Variants in KIAA1217 observed in about 807,000 individuals in gnomAD.
The protein encoded by KIAA1217 is KIAA1217.
Under a neutral mutation model 163.9 loss-of-function variants are expected in KIAA1217, and 88 were observed. That is an observed-to-expected ratio of 0.54 (90% CI 0.45 to 0.64). KIAA1217 has a LOEUF of 0.64. Among genes scored for constraint, KIAA1217 ranks in the 30% least tolerant of loss-of-function variants. The pLI is 0.00. For missense variants in KIAA1217, 2,372 were observed against 2,475.0 expected, an observed-to-expected ratio of 0.96 and a Z score of 0.88; for synonymous variants, 903 against 923.1, an observed-to-expected ratio of 0.98 and a Z score of 0.39.
At chr10:24,059,233 G>T (rs2060631147) in intron 2 of KIAA1217, among the ~76,000 whole-genome samples, 1 of 152,016 alleles carries the variant, frequency 6.6e-6, no homozygotes, top group South Asian at 2.1e-4. Flanking sequence ...AATTTCACTT[G>T]GTCATGGTGT....
In KIAA1217 at chr10:24,112,005, T is replaced by TGCCC. The variant is rs1218391430; in HGVS notation, c.-171+104633_-171+104636dup. 4.6e-5 allele frequency among the ~76,000 whole-genome samples: 7 copies of TGCCC among 152,148 alleles called. No homozygotes were observed. The East Asian group carries it at 1.3e-3, about 29-fold the overall frequency. ...TTGTAGAGACAGGGTCTCACTATGT[T>TGCCC]GCCCGGGCTGGTTTTAGACTCCTGG... On this transcript the variant is annotated intron_variant, in intron 2 of 18. Transcript: ENST00000376462.
chr10:24,543,964 A>G lies in KIAA1217; in HGVS notation c.4694A>G (p.Gln1565Arg). Residue 1565 changes from glutamine to arginine, a missense_variant, in exon 19 of 21, where the codon CAG becomes CGG. By Grantham distance (43) the Gln-to-Arg change is conservative (BLOSUM62 1). Transcript: ENST00000376454. Reference sequence around the variant, plus strand: ...AAGGGTGAGGACGCGACCGATGACCAGTTTGAAAGCCCCAAGAAAAAGTTT... The same window carrying G: ...AAGGGTGAGGACGCGACCGATGACCGGTTTGAAAGCCCCAAGAAAAAGTTT... ...ECKGEDATDD[Q>R]FESPKKKFKF... 1 of 1,614,156 alleles carries G rather than the reference A, an allele frequency of 6.2e-7. No individual in the cohort carries two copies. The highest frequency in any genetic ancestry group is 1.1e-5 in the South Asian group (1 of 91,078).
chr10:23,818,351 A>AAAAATATAT (rs374977941), intron 1 of KIAA1217, among the ~76,000 whole-genome samples: 10 of 134,894 alleles, frequency 7.4e-5, no homozygotes, highest in African/African-American at 2.5e-4. Flanking sequence ...TATATAAAAA[A>AAAAATATAT]ATATATATAT....
chr10:23,854,752 C>A (rs1839557984), intron 1 of KIAA1217, among the ~76,000 whole-genome samples: 1 of 152,050 alleles, frequency 6.6e-6, no homozygotes, highest in Admixed American at 6.6e-5. Flanking sequence ...TGAATTGGTC[C>A]CTTTACCATT....
chr10:24,403,189 A>G (rs1344598378), intron 3 of KIAA1217, among the ~76,000 whole-genome samples: 1 of 152,194 alleles, frequency 6.6e-6, no homozygotes, highest in Non-Finnish European at 1.5e-5. Flanking sequence ...CATGTTCCAT[A>G]AAAGGAAAAG....
chr10:24,238,144 C>T (rs1367043441), intron 2 of KIAA1217, among the ~76,000 whole-genome samples: 2 of 152,218 alleles, frequency 1.3e-5, no homozygotes, highest in East Asian at 3.9e-4. Flanking sequence ...ACTGCTCCTT[C>T]AGCTACTGCT....
At chr10:23,713,388 T>A (rs7098138) in intron 1 of KIAA1217, among the ~76,000 whole-genome samples, 50,897 of 151,998 alleles carry the variant, frequency 0.33, 10,971 homozygotes, top group African/African-American at 0.61. Context: ...TTTTGTTTTT[T>A]TACTTCCAAT....
chr10:24,308,025 A>C (rs970086977), intron 2 of KIAA1217, among the ~76,000 whole-genome samples: 8 of 152,198 alleles, frequency 5.3e-5, no homozygotes, highest in Non-Finnish European at 2.9e-5. Context: ...ATTATGTTTA[A>C]AATTATAAAA....
rs753834208 is a variant in KIAA1217, at chr10:24,473,989, C to T, written c.1608C>T (p.Leu536=). The T allele has an allele frequency of 1.5e-5, 24 of 1,613,720 alleles. No homozygotes were observed. Among genetic ancestry groups the T allele is most frequent in the African/African-American group, 8.0e-5 (6 of 74,866 alleles). ...SAAGLSSLVD[L]GPPLMEKQVF... ...CAGGATTATCCAGCCTTGTAGACCTCGGCCCTCCTCTAATGGAGAAGCAAG... is the reference window on the plus strand; with the variant it reads ...CAGGATTATCCAGCCTTGTAGACCTTGGCCCTCCTCTAATGGAGAAGCAAG... The change falls in exon 6 of 21, where the codon CTC becomes CTT. Residue 536 remains leucine (L), a synonymous_variant. Coordinates refer to ENST00000376454, the MANE Select transcript of KIAA1217 (RefSeq NM_019590.5).
chr10:24,304,856 C>G (rs1281934366), intron 2 of KIAA1217, among the ~76,000 whole-genome samples: 2 of 152,060 alleles, frequency 1.3e-5, no homozygotes, highest in African/African-American at 4.8e-5. Context: ...GGGAAGAGAG[C>G]TGGGTGATGC....
chr10:24,048,804 G>A (rs1053095129), intron 2 of KIAA1217, among the ~76,000 whole-genome samples: 232 of 151,780 alleles, frequency 1.5e-3, no homozygotes, highest in African/African-American at 5.4e-3. Context: ...CGGCCGAGGC[G>A]GGTGGATCAC....
intron 5 of KIAA1217, among the ~76,000 whole-genome samples, chr10:24,468,698 G>A (rs557360981): frequency 7.2e-5 from 11 of 152,196 alleles, no homozygotes; most frequent in Middle Eastern, 3.2e-3. Context: ...GCAAGCAGCC[G>A]TCCTCATTGG....
intron 3 of KIAA1217, among the ~76,000 whole-genome samples, chr10:24,415,504 A>G (rs2058171400): frequency 6.6e-6 from 1 of 152,130 alleles, no homozygotes; most frequent in South Asian, 2.1e-4. Flanking sequence ...AAAAAAGCAT[A>G]TAAAGATACA....
At chr10:24,508,778 C>T (rs144413713) in intron 9 of KIAA1217, among the ~76,000 whole-genome samples, 1 of 152,216 alleles carries the variant, frequency 6.6e-6, no homozygotes, top group African/African-American at 2.4e-5. Context: ...ATATTCTGAA[C>T]AAAATAAGCT....
intron 1 of KIAA1217, among the ~76,000 whole-genome samples, chr10:24,003,468 T>C (rs1846846583): frequency 1.3e-5 from 2 of 152,212 alleles, no homozygotes; most frequent in African/African-American, 4.8e-5. Context: ...CTTTTGAGAA[T>C]TGTCTGTTCA....
At chr10:24,158,287 C>G in intron 2 of KIAA1217, 1 of 706,274 alleles carries the variant, frequency 1.4e-6, no homozygotes, top group Admixed American at 1.8e-5. Context: ...TTCTCCTTCC[C>G]GGTTGGATCC....
At chr10:23,962,712 T>G (rs946693351) in intron 1 of KIAA1217, among the ~76,000 whole-genome samples, 1 of 152,200 alleles carries the variant, frequency 6.6e-6, no homozygotes, top group African/African-American at 2.4e-5. Context: ...CACACAGAAC[T>G]GGATGGGAAG....
At chr10:23,726,644 A>C (rs930472740) in intron 1 of KIAA1217, among the ~76,000 whole-genome samples, 1 of 152,148 alleles carries the variant, frequency 6.6e-6, no homozygotes, top group Non-Finnish European at 1.5e-5. Context: ...AAATTTTTGC[A>C]ATCTACTCAT....
At chr10:24,236,451 G>A (rs570426225) in intron 2 of KIAA1217, among the ~76,000 whole-genome samples, 1 of 151,998 alleles carries the variant, frequency 6.6e-6, no homozygotes, top group South Asian at 2.1e-4. Flanking sequence ...ACCATGTTGG[G>A]CAGGCTGGTC....
Sources: allele counts gnomAD v4.1 joint callset (sites outside exome capture counted in the v4.1 genomes callset), GRCh38; gene constraint gnomAD v4.1.1; transcripts MANE v1.5; gene names NCBI Gene and HGNC (gene_info 2026-07-23, HGNC 2026-07-21).